SMYD3: variants seen among roughly 807,000 people sequenced by gnomAD.
The protein encoded by SMYD3 is SET and MYND domain containing 3.
Under a neutral mutation model 57.7 loss-of-function variants are expected in SMYD3, and 36 were observed. The observed-to-expected ratio is 0.62, with a 90% CI of 0.48 to 0.82. The LOEUF is 0.82. SMYD3 is among the 40% of genes least tolerant of loss of function. The probability of loss-of-function intolerance (pLI) is 0.00; values close to 1 mark genes in which losing one functional copy is unlikely to be tolerated. For missense variants in SMYD3, 515 were observed against 538.8 expected, an observed-to-expected ratio of 0.96 and a Z score of 0.44; for synonymous variants, 211 against 195.0, an observed-to-expected ratio of 1.08 and a Z score of -0.68.
At chr1:246,084,730 A>G (rs148529459) in intron 5 of SMYD3, among the ~76,000 whole-genome samples, 646 of 152,326 alleles carry the variant, frequency 4.2e-3, no homozygotes, top group South Asian at 0.026. Context: ...TTTTCTTCTT[A>G]GATGCCTACA....
intron 11 of SMYD3, among the ~76,000 whole-genome samples, chr1:245,756,881 T>C (rs570553373): frequency 6.6e-6 from 1 of 152,108 alleles, no homozygotes; most frequent in South Asian, 2.1e-4. Flanking sequence ...TTTATACTGT[T>C]CGGGGTTTGC....
chr1:246,036,654 C>T (rs1414336227), intron 5 of SMYD3, among the ~76,000 whole-genome samples: 5 of 150,316 alleles, frequency 3.3e-5, no homozygotes, highest in African/African-American at 7.3e-5. Flanking sequence ...CCCGGGTTTA[C>T]GCCATTCTCC....
At chr1:245,754,128 A>G (rs901510919) in intron 11 of SMYD3, among the ~76,000 whole-genome samples, 2 of 152,162 alleles carry the variant, frequency 1.3e-5, no homozygotes, top group African/African-American at 4.8e-5. Flanking sequence ...TCAGTAATAG[A>G]GAAAGGGTCC....
chr1:246,291,732 T>C (rs142845763), intron 5 of SMYD3, among the ~76,000 whole-genome samples: 113 of 152,336 alleles, frequency 7.4e-4, no homozygotes, highest in African/African-American at 2.3e-3. Context: ...TCAGTATTTA[T>C]AATCATAGTT....
At chr1:246,501,189 C>T (rs1257950717) in intron 1 of SMYD3, among the ~76,000 whole-genome samples, 1 of 152,194 alleles carries the variant, frequency 6.6e-6, no homozygotes, top group Non-Finnish European at 1.5e-5. Flanking sequence ...CAAAATCAGC[C>T]GTAAACCCAG....
chr1:246,115,135 G>T (rs925105377), intron 5 of SMYD3, among the ~76,000 whole-genome samples: 1 of 148,868 alleles, frequency 6.7e-6, no homozygotes, highest in Non-Finnish European at 1.5e-5. Flanking sequence ...AGTGTACAGG[G>T]AGAGAAATCA....
intron 1 of SMYD3, among the ~76,000 whole-genome samples, chr1:246,364,315 G>A (rs1003694883): frequency 1.3e-5 from 2 of 151,516 alleles, no homozygotes; most frequent in African/African-American, 4.8e-5. Context: ...ACTGTGTATA[G>A]TTTCAAGGTG....
Position 245,858,479 on chromosome 1 carries a change from C to T in SMYD3, c.1076+17G>A, listed in dbSNP as rs745889872. On this transcript the variant is annotated intron_variant, in intron 10 of 11. Transcript: ENST00000490107. ...AGACGTCCTAGCCCTTATGTCAGCC[C>T]TCTCCCTGGGACTTGCCTGTATGGC... The T allele has an allele frequency of 1.2e-6, 2 of 1,607,310 alleles. No individual in the cohort carries two copies. The highest frequency in any genetic ancestry group is 1.7e-6 in the Non-Finnish European group (2 of 1,177,000).
intron 5 of SMYD3, among the ~76,000 whole-genome samples, chr1:246,209,532 C>T (rs10802345): frequency 0.39 from 59,412 of 151,570 alleles, 12,806 homozygotes; most frequent in East Asian, 0.79. Flanking sequence ...TATTAAAGGA[C>T]TGGTCAGATT....
At chr1:246,379,226 AAATAAT>A in intron 1 of SMYD3, among the ~76,000 whole-genome samples, 1 of 151,462 alleles carries the variant, frequency 6.6e-6, no homozygotes, top group Non-Finnish European at 1.5e-5. Context: ...AAATGATAAT[AAATAAT>A]AATAATAACA....
rs149059384 is a variant in SMYD3, at chr1:245,928,254, T to G, written c.600-221A>C. Among the ~76,000 whole-genome samples the G allele has an allele frequency of 1.2e-4, 18 of 152,230 alleles. No homozygotes were observed. The East Asian group carries it at 3.5e-3, about 29-fold the overall frequency. On this transcript the variant is annotated intron_variant, in intron 6 of 11. Transcript: ENST00000490107. ...TCAAGATGCAGGCTAACTAGGGAAT[T>G]CCGTCATTTAATAATAAAAAAATTT...
intron 6 of SMYD3, 24 bp downstream of exon 6, chr1:245,929,846 T>C: frequency 6.3e-7 from 1 of 1,583,114 alleles, no homozygotes; most frequent in Non-Finnish European, 8.7e-7. Flanking sequence ...TGTCTTCCAG[T>C]ACATGAAGTA....
At chr1:246,389,769 A>G (rs1350011806) in intron 1 of SMYD3, among the ~76,000 whole-genome samples, 1 of 114,044 alleles carries the variant, frequency 8.8e-6, no homozygotes, top group Non-Finnish European at 1.9e-5. Context: ...CTCCTTGTAG[A>G]AAGCATTCAT....
intron 1 of SMYD3, among the ~76,000 whole-genome samples, chr1:246,480,180 T>C (rs2068083300): frequency 6.6e-6 from 1 of 152,218 alleles, no homozygotes; most frequent in Admixed American, 6.5e-5. Flanking sequence ...CACAGAGTTG[T>C]GTCTGCCTTG....
At chr1:246,085,232 C>T (rs1370671288) in intron 5 of SMYD3, among the ~76,000 whole-genome samples, 1 of 152,098 alleles carries the variant, frequency 6.6e-6, no homozygotes, top group Non-Finnish European at 1.5e-5. Flanking sequence ...TATTAGTTAA[C>T]ATCTGAAGTA....
At chr1:246,426,573 A>T (rs1243438939) in intron 1 of SMYD3, among the ~76,000 whole-genome samples, 2 of 152,194 alleles carry the variant, frequency 1.3e-5, no homozygotes, top group Non-Finnish European at 2.9e-5. Flanking sequence ...TTCATTGAGT[A>T]AGGTTTTATC....
chr1:245,917,013 T>C (rs1346010634), intron 7 of SMYD3, among the ~76,000 whole-genome samples: 1 of 135,078 alleles, frequency 7.4e-6, no homozygotes, highest in Non-Finnish European at 1.5e-5. Context: ...TATGTGACTC[T>C]AATAATAAAA....
chr1:245,791,399 A>G (rs1399158362), intron 10 of SMYD3, among the ~76,000 whole-genome samples: 1 of 152,196 alleles, frequency 6.6e-6, no homozygotes, highest in Non-Finnish European at 1.5e-5. Flanking sequence ...CCATGAGGAT[A>G]AATTGCAAAA....
intron 10 of SMYD3, among the ~76,000 whole-genome samples, chr1:245,828,919 T>C (rs1410393519): frequency 1.3e-5 from 2 of 152,092 alleles, no homozygotes; most frequent in African/African-American, 4.8e-5. Flanking sequence ...GCCAGGCTGG[T>C]CTCGAACTCC....
Sources: allele counts gnomAD v4.1 joint callset (sites outside exome capture counted in the v4.1 genomes callset), GRCh38; gene constraint gnomAD v4.1.1; transcripts MANE v1.5; gene names NCBI Gene and HGNC (gene_info 2026-07-23, HGNC 2026-07-21).